FMN2: variants seen among roughly 807,000 people sequenced by gnomAD.
The protein encoded by FMN2 is formin 2, also known as formin-2.
FMN2 carries 51 observed loss-of-function variants against 142.3 expected under a neutral mutation model. The ratio of observed to expected loss-of-function variants is 0.36; its 90% confidence interval spans 0.29 to 0.45. FMN2 has a LOEUF of 0.45. Ranked by LOEUF, FMN2 falls within the 20% of genes least tolerant of loss-of-function variation. The pLI, the probability that FMN2 is intolerant of heterozygous loss-of-function variation, is 1.00. For synonymous variants in FMN2, 882 were observed against 869.8 expected (o/e 1.01, Z -0.25); for missense variants, 1,936 against 2,122.8 (o/e 0.91, Z 1.73).
intron 13 of FMN2, among the ~76,000 whole-genome samples, chr1:240,335,543 AT>A (rs369868997): frequency 9.6e-4 from 146 of 152,286 alleles, no homozygotes; most frequent in African/African-American, 3.2e-3. Flanking sequence ...TGCTAGAGGC[AT>A]TTCTAGGGGA....
Position 240,469,762 on chromosome 1 carries a change from T to A in FMN2, c.5061-2610T>A, listed in dbSNP as rs146842968. 3.9e-4 allele frequency among the ~76,000 whole-genome samples: 59 copies of A among 152,296 alleles called. No homozygotes were observed. The East Asian group carries it at 0.011, about 29-fold the overall frequency. ...CAGTTGTACCTTATACGAACCTGGG[T>A]GGTTGCTCTTAATGCAACATTGTCA... On this transcript the variant is annotated intron_variant, in intron 16 of 17. Coordinates refer to ENST00000319653, the MANE Select transcript of FMN2 (RefSeq NM_020066.5).
rs546331313 is a variant in FMN2, at chr1:240,452,479, A to AT, written c.5060+14273dup. Among the ~76,000 whole-genome samples the AT allele has an allele frequency of 2.8e-3, 421 of 152,224 alleles. 2 individuals carry two copies. Among genetic ancestry groups the AT allele is most frequent in the African/African-American group, 9.5e-3 (393 of 41,548 alleles). ...TTAGATAATATATATTTTTGCAAAAATTTTATCAGAAATAAAAGTGTATTC... is the reference window on the plus strand; with the variant it reads ...TTAGATAATATATATTTTTGCAAAAATTTTTATCAGAAATAAAAGTGTATTC... On this transcript the variant is annotated intron_variant, in intron 16 of 17. Transcript: ENST00000319653.
intron 1 of FMN2, among the ~76,000 whole-genome samples, chr1:240,106,758 A>G (rs1193612944): frequency 6.6e-6 from 1 of 150,844 alleles, no homozygotes; most frequent in Non-Finnish European, 1.5e-5. Flanking sequence ...GATCTTGCTC[A>G]CTGCAACCTC....
intron 6 of FMN2, among the ~76,000 whole-genome samples, chr1:240,219,676 A>G (rs1236656892): frequency 6.6e-6 from 1 of 151,094 alleles, no homozygotes; most frequent in Non-Finnish European, 1.5e-5. Flanking sequence ...TTTTTTTGAG[A>G]CGGGGTCTCA....
chr1:240,365,270 TATAC>T (rs1436890049), intron 14 of FMN2, among the ~76,000 whole-genome samples: 3 of 123,308 alleles, frequency 2.4e-5, no homozygotes, highest in South Asian at 5.1e-4. Context: ...TGTGCATATA[TATAC>T]ATACATATGT....
At chr1:240,435,632 G>A (rs1335702298) in intron 15 of FMN2, among the ~76,000 whole-genome samples, 1 of 152,122 alleles carries the variant, frequency 6.6e-6, no homozygotes, top group African/African-American at 2.4e-5. Context: ...CAGAACAACT[G>A]TTGATGATAA....
At chr1:240,317,613 G>C (rs1670833753) in intron 8 of FMN2, among the ~76,000 whole-genome samples, 1 of 152,148 alleles carries the variant, frequency 6.6e-6, no homozygotes, top group Admixed American at 6.5e-5. Context: ...TTCATGGTAT[G>C]AACATACTAA....
At chr1:240,153,385 GTTTTTT>G (rs58725251) in intron 2 of FMN2, among the ~76,000 whole-genome samples, 1 of 124,324 alleles carries the variant, frequency 8.0e-6, no homozygotes, top group Non-Finnish European at 1.6e-5. Context: ...TGTATTTACA[GTTTTTT>G]TTTTTTTTTT....
At chr1:240,366,622 C>T (rs1672678327) in intron 14 of FMN2, among the ~76,000 whole-genome samples, 2 of 151,588 alleles carry the variant, frequency 1.3e-5, no homozygotes, top group South Asian at 4.2e-4. Flanking sequence ...TCACCGCAAC[C>T]TCCGCCTCTG....
At chr1:240,159,485 C>A (rs747463934) in intron 2 of FMN2, among the ~76,000 whole-genome samples, 1 of 152,010 alleles carries the variant, frequency 6.6e-6, no homozygotes, top group Non-Finnish European at 1.5e-5. Flanking sequence ...TTATGGAGTT[C>A]AAAATGGGGT....
intron 2 of FMN2, chr1:240,171,238 A>G (rs1664690433): frequency 2.1e-5 from 16 of 771,198 alleles, no homozygotes; most frequent in Non-Finnish European, 2.4e-6. Flanking sequence ...TGAAATTAAC[A>G]AAGCCTTTGA....
intron 16 of FMN2, among the ~76,000 whole-genome samples, chr1:240,438,978 C>T (rs926134188): frequency 6.6e-6 from 1 of 152,060 alleles, no homozygotes; most frequent in Non-Finnish European, 1.5e-5. Context: ...CTTTAGAAAA[C>T]TTACATCCTG....
At chr1:240,441,608 C>CTTTT (rs371621331) in intron 16 of FMN2, among the ~76,000 whole-genome samples, 3,253 of 124,926 alleles carry the variant, frequency 0.026, 121 homozygotes, top group African/African-American at 0.091. Context: ...GCATATTGGT[C>CTTTT]TTTTTTTTTT....
intron 4 of FMN2, among the ~76,000 whole-genome samples, chr1:240,197,826 G>A (rs759814879): frequency 4.1e-5 from 6 of 145,124 alleles, no homozygotes; most frequent in East Asian, 3.9e-4. Flanking sequence ...GCACCACCAC[G>A]CCTGGCTAAT....
intron 16 of FMN2, among the ~76,000 whole-genome samples, chr1:240,468,247 CAT>C (rs1349443574): frequency 8.7e-5 from 13 of 148,576 alleles, no homozygotes; most frequent in African/African-American, 2.5e-4. Context: ...CACACACACA[CAT>C]ATATACATAT....
chr1:240,115,389 C>T (rs1558302619), intron 1 of FMN2, among the ~76,000 whole-genome samples: 1 of 152,128 alleles, frequency 6.6e-6, no homozygotes, highest in Non-Finnish European at 1.5e-5. Context: ...ATAATACTCC[C>T]ATGATGCATC....
At chr1:240,166,167 A>G (rs1232397573) in intron 2 of FMN2, among the ~76,000 whole-genome samples, 1 of 149,342 alleles carries the variant, frequency 6.7e-6, no homozygotes, top group East Asian at 1.9e-4. Flanking sequence ...ATATATATAT[A>G]TAAATAAACG....
At chr1:240,364,837 A>G (rs1484595156) in intron 14 of FMN2, among the ~76,000 whole-genome samples, 1 of 151,918 alleles carries the variant, frequency 6.6e-6, no homozygotes, top group Non-Finnish European at 1.5e-5. Context: ...GAATGAATGA[A>G]GGAATGACTG....
intron 2 of FMN2, chr1:240,144,785 A>G (rs897282319): frequency 3.5e-6 from 5 of 1,414,168 alleles, no homozygotes; most frequent in Non-Finnish European, 3.0e-6. Flanking sequence ...TGCGTCGTGG[A>G]CCATGTTGTA....
Sources: allele counts gnomAD v4.1 joint callset (sites outside exome capture counted in the v4.1 genomes callset), GRCh38; gene constraint gnomAD v4.1.1; transcripts MANE v1.5; gene names NCBI Gene and HGNC (gene_info 2026-07-23, HGNC 2026-07-21).